The following EXOC2 variants were observed in gnomAD, a reference collection of about 807,000 sequenced individuals.
EXOC2 encodes SEC5-like 1.
A neutral mutation model predicts 131.8 loss-of-function variants in EXOC2; 70 were observed. The observed-to-expected ratio is 0.53, with a 90% confidence interval of 0.44 to 0.65. EXOC2 has a LOEUF of 0.65. Ranked by LOEUF, EXOC2 falls within the 30% of genes least tolerant of loss-of-function variation. The probability of loss-of-function intolerance (pLI) is 0.00; values close to 1 mark genes in which losing one functional copy is unlikely to be tolerated. For synonymous variants in EXOC2, 411 were observed against 398.4 expected, an observed-to-expected ratio of 1.03 and a Z score of -0.38; for missense variants, 923 against 1,108.6, an observed-to-expected ratio of 0.83 and a Z score of 2.38.
chr6:544,168 C>T (rs1447661619), intron 22 of EXOC2, among the ~76,000 whole-genome samples: 1 of 152,204 alleles, frequency 6.6e-6, no homozygotes, highest in African/African-American at 2.4e-5. Context: ...TCCTGCACTT[C>T]CCAGCTTTCC....
chr6:564,869 A>C lies in EXOC2; in HGVS notation c.1504T>G (p.Phe502Val), dbSNP rs749148749. Residue 502 changes from phenylalanine to valine, a missense_variant, in exon 14 of 28, where the codon TTT (phenylalanine) becomes GTT (valine). Transcript: ENST00000230449. ...SKNVRQRQNDFKKMIQEVMHS... is the reference protein window; with the variant it reads ...SKNVRQRQNDVKKMIQEVMHS... ...TACTTATCACCCTTACTCACCTTAA[A>C]ATCATTTTGTCTTTGCCTTACATTC... 14 of 1,612,842 alleles carry C rather than the reference A, an allele frequency of 8.7e-6. No individual in the cohort carries two copies. The Admixed American group carries it at 2.2e-4, about 25-fold the overall frequency.
chr6:499,760 T>C, intron 23 of EXOC2, 60 bp from the exon 24 acceptor site: 1 of 1,396,142 alleles, frequency 7.2e-7, no homozygotes, highest in Admixed American at 1.7e-5. Context: ...TCCCCTCCCC[T>C]GCTGGCAGGC....
intron 1 of EXOC2, among the ~76,000 whole-genome samples, chr6:682,346 A>C (rs4959378): frequency 0.19 from 28,907 of 151,666 alleles, 2,827 homozygotes; most frequent in South Asian, 0.24. Flanking sequence ...ACTACAGGCA[A>C]CCACTACCAC....
rs1764524693 is a variant in EXOC2, at chr6:506,001, C to T, written c.2381-6301G>A. Among the ~76,000 whole-genome samples the T allele has an allele frequency of 6.6e-6, 1 of 152,174 alleles. No homozygotes were observed. The highest frequency in any genetic ancestry group is 1.5e-5 in the Non-Finnish European group (1 of 68,034). The stretch of plus-strand genomic sequence containing the variant: ...TGCTCAAGTCAGAATATATCTGCGT[C>T]ATCTACTAAAAGTAAGTGCCTCGGC... On this transcript the variant is annotated intron_variant, in intron 23 of 27. Transcript: ENST00000230449. This position sits in a 1 kb window ranked among gnomAD's most constrained non-coding sequence, Gnocchi z 4.4.
chr6:627,382 T>C (rs7772761), intron 4 of EXOC2, among the ~76,000 whole-genome samples: 22,791 of 152,224 alleles, frequency 0.15, 1,923 homozygotes, highest in African/African-American at 0.18. Context: ...TAGCCTCTCT[T>C]TCTTTTGAAA....
chr6:688,909 A>G (rs1407045781), intron 1 of EXOC2, among the ~76,000 whole-genome samples: 2 of 152,240 alleles, frequency 1.3e-5, no homozygotes, highest in Non-Finnish European at 2.9e-5. Context: ...TTATAATACA[A>G]TGAAAGTTAA....
At chr6:559,269 C>A (rs764088364) in intron 17 of EXOC2, among the ~76,000 whole-genome samples, 9 of 152,086 alleles carry the variant, frequency 5.9e-5, no homozygotes, top group Non-Finnish European at 1.2e-4. Flanking sequence ...ATGCCTCAGC[C>A]GAGGGACAGT....
chr6:610,745 T>G (rs928173213), intron 6 of EXOC2, among the ~76,000 whole-genome samples: 15 of 152,246 alleles, frequency 9.9e-5, no homozygotes, highest in African/African-American at 3.4e-4. Context: ...GAATACACAC[T>G]CAATGCCTGC....
intron 1 of EXOC2, among the ~76,000 whole-genome samples, chr6:683,991 C>T (rs964065996): frequency 7.2e-5 from 11 of 152,204 alleles, no homozygotes; most frequent in Non-Finnish European, 1.3e-4. Context: ...AAACTCTGGG[C>T]ACAATTCCGG....
At chr6:612,580 T>C (rs1217739739) in intron 6 of EXOC2, among the ~76,000 whole-genome samples, 17 of 152,292 alleles carry the variant, frequency 1.1e-4, no homozygotes. Context: ...ATTGCAACTA[T>C]TACACAGAAG....
rs755217952 is a variant in EXOC2 at position 656,336 on chromosome 6, A to G, written c.-43-18475T>C. On this transcript the variant is annotated intron_variant, in intron 1 of 27. Transcript: ENST00000230449. ...GGGGAGGGTTTCCAAGATTTTTAAA[A>G]TAACTTTGAATGGACACCACCTCCG... 7 of 1,614,192 alleles carry G rather than the reference A, an allele frequency of 4.3e-6. No individual in the cohort carries two copies. The South Asian group carries it at 6.6e-5, about 15-fold the overall frequency.
At chr6:500,767 A>G (rs1025296840) in intron 23 of EXOC2, among the ~76,000 whole-genome samples, 2 of 152,156 alleles carry the variant, frequency 1.3e-5, no homozygotes, top group Admixed American at 6.5e-5. Flanking sequence ...GCTGCACTGT[A>G]AAAGCATGGA....
intron 4 of EXOC2, among the ~76,000 whole-genome samples, chr6:623,761 C>G (rs1047468230): frequency 6.6e-6 from 1 of 152,180 alleles, no homozygotes; most frequent in Non-Finnish European, 1.5e-5. Context: ...TGTTTTTGAA[C>G]AGTGATGTCG....
intron 23 of EXOC2, among the ~76,000 whole-genome samples, chr6:502,017 G>A (rs539102489): frequency 2.1e-4 from 32 of 152,278 alleles, no homozygotes; most frequent in African/African-American, 6.5e-4. Context: ...TCCCGCTGCT[G>A]TGGGGGCACT....
intron 11 of EXOC2, among the ~76,000 whole-genome samples, chr6:580,704 C>T (rs978719363): frequency 2.6e-5 from 4 of 152,088 alleles, no homozygotes; most frequent in African/African-American, 9.7e-5. Flanking sequence ...AGGCACTAAC[C>T]TATCCTGTAA....
At chr6:588,218 T>A (rs886824609) in intron 11 of EXOC2, among the ~76,000 whole-genome samples, 1 of 152,224 alleles carries the variant, frequency 6.6e-6, no homozygotes, top group East Asian at 1.9e-4. Flanking sequence ...TTAGCAGTGT[T>A]TACTGACAAT....
intron 4 of EXOC2, among the ~76,000 whole-genome samples, chr6:628,951 C>A (rs574847940): frequency 2.6e-5 from 4 of 152,184 alleles, no homozygotes; most frequent in African/African-American, 9.6e-5. Context: ...GCTGCTAAGC[C>A]CCAGACTTTT....
chr6:609,420 A>G (rs1361959872), intron 7 of EXOC2, among the ~76,000 whole-genome samples: 3 of 152,220 alleles, frequency 2.0e-5, no homozygotes, highest in Admixed American at 6.5e-5. Flanking sequence ...ATTTTAAATG[A>G]CTTATTTTTA....
At chr6:634,841 T>G (rs1037731152) in intron 2 of EXOC2, among the ~76,000 whole-genome samples, 2 of 152,218 alleles carry the variant, frequency 1.3e-5, no homozygotes, top group African/African-American at 4.8e-5. Flanking sequence ...ATAATTTTTG[T>G]TATGAAAAAC....
Sources: allele counts gnomAD v4.1 joint callset (sites outside exome capture counted in the v4.1 genomes callset), GRCh38; gene constraint gnomAD v4.1.1; non-coding constraint Gnocchi (gnomAD v3.1); transcripts MANE v1.5; gene names NCBI Gene and HGNC (gene_info 2026-07-23, HGNC 2026-07-21).